HMCN1: variants seen among roughly 807,000 people sequenced by gnomAD.
HMCN1 encodes hemicentin 1, also known as hemicentin-1.
HMCN1 carries 321 observed loss-of-function variants against 625.9 expected under a neutral mutation model. That is an observed-to-expected ratio of 0.51 (90% CI 0.47 to 0.56). The LOEUF is 0.56. HMCN1 is among the 20% of genes least tolerant of loss of function. The probability of loss-of-function intolerance (pLI) is 0.00; values close to 1 mark genes in which losing one functional copy is unlikely to be tolerated. For missense variants in HMCN1, 6,588 were observed against 6,887.3 expected (o/e 0.96, Z 1.54); for synonymous variants, 2,425 against 2,417.6 (o/e 1.00, Z -0.09).
intron 39 of HMCN1, 53 bp downstream of exon 39, chr1:186,039,932 G>T: frequency 6.5e-7 from 1 of 1,534,226 alleles, no homozygotes; most frequent in Non-Finnish European, 9.0e-7. Flanking sequence ...TTCAGTACAG[G>T]AAGTACACAC....
At chr1:186,066,909 C>A (rs1429142271) in intron 49 of HMCN1, among the ~76,000 whole-genome samples, 5 of 152,092 alleles carry the variant, frequency 3.3e-5, no homozygotes, top group African/African-American at 1.2e-4. Context: ...CTTCTATACA[C>A]AAGAAACTTT....
intron 40 of HMCN1, among the ~76,000 whole-genome samples, chr1:186,044,613 A>G (rs547203686): frequency 6.6e-6 from 1 of 152,148 alleles, no homozygotes; most frequent in Non-Finnish European, 1.5e-5. Context: ...TCTTGTTTCT[A>G]CCAGAACATT....
intron 46 of HMCN1, among the ~76,000 whole-genome samples, chr1:186,060,094 GA>G (rs946429450): frequency 6.6e-6 from 1 of 151,754 alleles, no homozygotes; most frequent in African/African-American, 2.4e-5. Flanking sequence ...ATTCAATTGG[GA>G]AAAAAAGGCT....
chr1:186,015,166 T>C lies in HMCN1; in HGVS notation c.4638T>C (p.Pro1546=), dbSNP rs1042443582. 6.2e-7 allele frequency: 1 copy of C among 1,613,268 alleles called. No homozygotes were observed. Among genetic ancestry groups the C allele is most frequent in the African/African-American group, 1.3e-5 (1 of 74,904 alleles). ...KDIKLTIYIP[P]SIKGGNVTTD... ...TTCTGAAATCCTTTGTAGTTCCACC[T>C]AGTATTAAAGGAGGAAATGTCACCA... The change falls in exon 31 of 107, where the codon CCT becomes CCC. Residue 1546 remains proline, a synonymous_variant. Coordinates refer to ENST00000271588, the MANE Select transcript of HMCN1 (RefSeq NM_031935.3).
At chr1:185,943,779 G>A (rs1465965547) in intron 11 of HMCN1, among the ~76,000 whole-genome samples, 2 of 152,110 alleles carry the variant, frequency 1.3e-5, no homozygotes, top group Admixed American at 6.6e-5. Flanking sequence ...AGAGGTGAGG[G>A]GATGGGGATG....
intron 56 of HMCN1, among the ~76,000 whole-genome samples, chr1:186,082,378 G>T (rs757663197): frequency 2.1e-4 from 32 of 152,134 alleles, no homozygotes; most frequent in Non-Finnish European, 3.7e-4. Flanking sequence ...AAACTGTGAT[G>T]ATTCCTCCCC....
At position 186,095,359 on chromosome 1, in the gene HMCN1, A is replaced by C; in HGVS notation, c.10411A>C (p.Arg3471=). 1 of 1,613,718 alleles carries C rather than the reference A, an allele frequency of 6.2e-7. No homozygotes were observed. The highest frequency in any genetic ancestry group is 8.5e-7 in the Non-Finnish European group (1 of 1,179,840). The change falls in exon 68 of 107, where the codon AGA becomes CGA. Residue 3471 remains arginine (R), a synonymous_variant. Coordinates refer to ENST00000271588, the MANE Select transcript of HMCN1 (RefSeq NM_031935.3). The stretch of plus-strand genomic sequence containing the variant: ...CCCAGCTCCCAGTATGGCCTGGCTT[A>C]GAGATGGCCAGCCTCTGGGGCTTGA... The part of the protein sequence containing the change: ...GTPAPSMAWL[R]DGQPLGLDAH...
Position 186,189,871 on chromosome 1 carries a change from CAT to C in HMCN1, c.16903_16904del (p.Tyr5635LeufsTer12). 6.2e-7 allele frequency: 1 copy of C among 1,613,540 alleles called. No homozygotes were observed. Among genetic ancestry groups the C allele is most frequent in the Non-Finnish European group, 8.5e-7 (1 of 1,179,778 alleles). ...GTTTATATAGCTGTGTCCGCCTATC[CAT>C]ACTAAGGAACTCTCCAAAGCCTATT... On this transcript the variant is annotated frameshift_variant, in exon 107 of 107. Transcript: ENST00000271588. LOFTEE classifies it high-confidence loss of function.
At chr1:185,807,818 A>T (rs1394644785) in intron 1 of HMCN1, among the ~76,000 whole-genome samples, 1 of 152,164 alleles carries the variant, frequency 6.6e-6, no homozygotes, top group African/African-American at 2.4e-5. Context: ...AGAGATAACA[A>T]ATTAAGTGGT....
chr1:186,153,845 A>T lies in HMCN1; in HGVS notation c.15114A>T (p.Thr5038=). Residue 5038 remains threonine, a synonymous_variant, in exon 97 of 107, where the codon ACA becomes ACT. Coordinates refer to ENST00000271588, the MANE Select transcript of HMCN1 (RefSeq NM_031935.3). ...FTIDGISIPY[T]WNHTVFYDQA... is the part of the protein sequence containing the mutation. The stretch of plus-strand genomic sequence containing the variant: ...TTGATGGCATCAGCATCCCATACAC[A>T]TGGAACCACACCGTTTTCTATGATC... The T allele has an allele frequency of 6.2e-7, 1 of 1,614,146 alleles. No individual in the cohort carries two copies. The highest frequency in any genetic ancestry group is 8.5e-7 in the Non-Finnish European group (1 of 1,180,010).
At chr1:185,760,458 G>A (rs985112858) in intron 1 of HMCN1, among the ~76,000 whole-genome samples, 4 of 152,278 alleles carry the variant, frequency 2.6e-5, no homozygotes, top group Middle Eastern at 3.4e-3. Context: ...GTTCTTCAAC[G>A]TAAAAGAATA....
At chr1:185,852,765 C>G (rs1662241119) in intron 2 of HMCN1, among the ~76,000 whole-genome samples, 1 of 151,862 alleles carries the variant, frequency 6.6e-6, no homozygotes, top group African/African-American at 2.4e-5. Context: ...ACTACTAGCT[C>G]TAGTACTCCA....
At chr1:185,817,426 A>T (rs1401876958) in intron 1 of HMCN1, among the ~76,000 whole-genome samples, 1 of 152,134 alleles carries the variant, frequency 6.6e-6, no homozygotes, top group African/African-American at 2.4e-5. Context: ...CAATAAGCAG[A>T]AAGATTGGGC....
chr1:186,147,453 C>T (rs998965286), intron 93 of HMCN1, among the ~76,000 whole-genome samples: 1 of 147,810 alleles, frequency 6.8e-6, no homozygotes, highest in Non-Finnish European at 1.5e-5. Flanking sequence ...GAATGTAGTA[C>T]AGACCATGAA....
At chr1:185,870,589 G>A (rs990851289) in intron 4 of HMCN1, among the ~76,000 whole-genome samples, 5 of 151,968 alleles carry the variant, frequency 3.3e-5, no homozygotes, top group African/African-American at 1.2e-4. Flanking sequence ...TGCATAGTAG[G>A]TGTATGTATT....
At position 185,933,756 on chromosome 1, in the gene HMCN1, G is replaced by T. The variant is rs1460158700; in HGVS notation, c.1760G>T (p.Gly587Val). The T allele has an allele frequency of 6.2e-7, 1 of 1,613,442 alleles. No homozygotes were observed. The highest frequency in any genetic ancestry group is 8.5e-7 in the Non-Finnish European group (1 of 1,179,490). ...AAGAGTGTGAAATTCAACGATGCTGGAGAGTATCATTGTATGGTTTCTAGT... is the reference window on the plus strand; with the variant it reads ...AAGAGTGTGAAATTCAACGATGCTGTAGAGTATCATTGTATGGTTTCTAGT... ...ELKSVKFNDA[G>V]EYHCMVSSEG... Residue 587 changes from glycine to valine, a missense_variant, in exon 11 of 107, where the codon GGA (glycine) becomes GTA (valine). Coordinates refer to ENST00000271588, the MANE Select transcript of HMCN1 (RefSeq NM_031935.3).
intron 4 of HMCN1, among the ~76,000 whole-genome samples, chr1:185,888,568 C>G (rs1664827661): frequency 2.1e-5 from 3 of 145,770 alleles, no homozygotes; most frequent in Admixed American, 6.6e-5. Context: ...AAGAGGGAAT[C>G]CTTTCCCCAT....
intron 11 of HMCN1, among the ~76,000 whole-genome samples, chr1:185,948,284 C>T (rs1329453809): frequency 2.6e-5 from 4 of 152,234 alleles, no homozygotes; most frequent in African/African-American, 9.6e-5. Context: ...CCATTTCATG[C>T]GTGTCCATGT....
chr1:186,006,206 T>C (rs1294877742), intron 29 of HMCN1, among the ~76,000 whole-genome samples: 19 of 151,634 alleles, frequency 1.3e-4, no homozygotes, highest in Admixed American at 1.2e-3. Flanking sequence ...TTGAGAGCTA[T>C]ATACAAAGTG....
Sources: allele counts gnomAD v4.1 joint callset (sites outside exome capture counted in the v4.1 genomes callset), GRCh38; gene constraint gnomAD v4.1.1; transcripts MANE v1.5; gene names NCBI Gene and HGNC (gene_info 2026-07-23, HGNC 2026-07-21).